The following ASAP2 variants were observed in gnomAD, a reference collection of about 807,000 sequenced individuals.
The protein encoded by ASAP2 is arf-GAP with SH3 domain, ANK repeat and PH domain-containing protein 2.
In ASAP2, 45 loss-of-function variants were observed where a neutral mutation model predicts 131.4. The observed-to-expected ratio is 0.34, with a 90% CI of 0.27 to 0.44. The LOEUF (loss-of-function observed/expected upper bound fraction) is 0.44, where lower values mean the gene tolerates loss of function less well. Ranked by LOEUF, ASAP2 falls within the 20% of genes least tolerant of loss-of-function variation. ASAP2 has a pLI of 1.00. For synonymous variants in ASAP2, 510 were observed against 503.0 expected, an observed-to-expected ratio of 1.01 and a Z score of -0.19; for missense variants, 1,011 against 1,297.0, an observed-to-expected ratio of 0.78 and a Z score of 3.39.
At chr2:9,269,392 A>G (rs1666179129) in intron 1 of ASAP2, among the ~76,000 whole-genome samples, 1 of 152,198 alleles carries the variant, frequency 6.6e-6, no homozygotes, top group Non-Finnish European at 1.5e-5. Flanking sequence ...GCTGTCCCGC[A>G]GGCCGTGTGT....
In ASAP2 at chr2:9,268,766, C is replaced by G. The variant is rs867825674; in HGVS notation, c.127-10551C>G. On this transcript the variant is annotated intron_variant, in intron 1 of 27. Coordinates refer to ENST00000281419, the MANE Select transcript of ASAP2 (RefSeq NM_003887.3). This position sits in a 1 kb window ranked among gnomAD's most constrained non-coding sequence, Gnocchi z 4.1. ...CTTCTTCTCAGGCTGGCCTTTCGTCCGTGGAACGAGGGGAGAGGAGATAGG... is the reference window on the plus strand; with the variant it reads ...CTTCTTCTCAGGCTGGCCTTTCGTCGGTGGAACGAGGGGAGAGGAGATAGG... Among the ~76,000 whole-genome samples the G allele has an allele frequency of 6.6e-6, 1 of 152,180 alleles. No homozygotes were observed. The highest frequency in any genetic ancestry group is 2.4e-5 in the African/African-American group (1 of 41,436).
Position 9,358,793 on chromosome 2 carries a change from C to G in ASAP2, c.1365C>G (p.Thr455=). The G allele has an allele frequency of 6.2e-7, 1 of 1,613,576 alleles. No individual in the cohort carries two copies. The highest frequency in any genetic ancestry group is 8.5e-7 in the Non-Finnish European group (1 of 1,179,878). Residue 455 remains threonine (T), a synonymous_variant, in exon 15 of 28, where the codon ACC becomes ACG. Transcript: ENST00000281419. ...TTTCCACCAACCTGGGCATCCTGAC[C>G]TGCATCGAGTGTTCCGGAATCCACC... ...TWLSTNLGIL[T]CIECSGIHRE...
intron 16 of ASAP2, among the ~76,000 whole-genome samples, chr2:9,370,597 A>C (rs1436499741): frequency 6.6e-6 from 1 of 152,196 alleles, no homozygotes; most frequent in Admixed American, 6.5e-5. Context: ...GTAATAAAAA[A>C]AGGGAGATAA....
At chr2:9,214,234 C>A (rs1309125370) in intron 1 of ASAP2, among the ~76,000 whole-genome samples, 1 of 151,982 alleles carries the variant, frequency 6.6e-6, no homozygotes, top group East Asian at 1.9e-4. Context: ...TTTTTCTTTT[C>A]TTTTTCTTTT....
At chr2:9,347,776 T>G (rs1672066331) in intron 11 of ASAP2, among the ~76,000 whole-genome samples, 3 of 152,210 alleles carry the variant, frequency 2.0e-5, no homozygotes, top group African/African-American at 7.2e-5. Context: ...GCCACACCAC[T>G]GAGGGCTGGG....
chr2:9,390,559 T>G (rs922370035), intron 22 of ASAP2, among the ~76,000 whole-genome samples: 1 of 152,154 alleles, frequency 6.6e-6, no homozygotes, highest in African/African-American at 2.4e-5. Flanking sequence ...AGAAATATGT[T>G]TGCGGGAGGG....
At chr2:9,397,710 GA>G (rs1317485731) in intron 24 of ASAP2, among the ~76,000 whole-genome samples, 16 of 124,622 alleles carry the variant, frequency 1.3e-4, no homozygotes, top group East Asian at 2.2e-4. Flanking sequence ...AATTGGTTGG[GA>G]AAAAAAAATC....
chr2:9,394,302 C>T (rs1017164677), intron 24 of ASAP2, among the ~76,000 whole-genome samples: 5 of 151,630 alleles, frequency 3.3e-5, no homozygotes, highest in Admixed American at 6.6e-5. Flanking sequence ...GTAGCTGGGA[C>T]TACAGGTGCC....
rs1675533852 is a variant in ASAP2 at position 9,389,265 on chromosome 2, T to C, written c.2383+719T>C. Among the ~76,000 whole-genome samples, 1 of 152,196 alleles carries C rather than the reference T, an allele frequency of 6.6e-6. No individual in the cohort carries two copies. The highest frequency in any genetic ancestry group is 1.5e-5 in the Non-Finnish European group (1 of 68,036). ...CACTCAGCTCTGGGCTGAGCTCCAG[T>C]CGTGGCCATGGCCTTCAGAGGGTTT... On this transcript the variant is annotated intron_variant, in intron 22 of 27. Coordinates refer to ENST00000281419, the MANE Select transcript of ASAP2 (RefSeq NM_003887.3). The surrounding 1 kb of genome is among the most constrained non-coding windows in gnomAD (Gnocchi z 4.7).
chr2:9,212,110 A>G (rs1263522233), intron 1 of ASAP2, among the ~76,000 whole-genome samples: 2 of 152,026 alleles, frequency 1.3e-5, no homozygotes, highest in African/African-American at 4.8e-5. Flanking sequence ...GCCACTCCTC[A>G]CGGGTTCCAG....
chr2:9,280,552 C>T (rs1200110221), intron 2 of ASAP2, among the ~76,000 whole-genome samples: 1 of 152,206 alleles, frequency 6.6e-6, no homozygotes. Flanking sequence ...AATCCTACAT[C>T]AACAAGTACA....
intron 2 of ASAP2, among the ~76,000 whole-genome samples, chr2:9,288,389 C>T (rs983283920): frequency 1.1e-4 from 16 of 152,196 alleles, no homozygotes; most frequent in Non-Finnish European, 2.1e-4. Context: ...CCAAGGGCTG[C>T]TTGTCCCTGA....
At chr2:9,249,684 C>T (rs558392706) in intron 1 of ASAP2, among the ~76,000 whole-genome samples, 4 of 151,610 alleles carry the variant, frequency 2.6e-5, no homozygotes, top group Admixed American at 6.5e-5. Context: ...TGAGACTGGG[C>T]GCTGGGCTGA....
intron 1 of ASAP2, among the ~76,000 whole-genome samples, chr2:9,261,689 G>A (rs1665582810): frequency 1.3e-5 from 2 of 152,244 alleles, no homozygotes; most frequent in African/African-American, 4.8e-5. Flanking sequence ...CTTTAACAGT[G>A]TGGCCGAGTG....
chr2:9,349,454 G>A (rs1207118036), intron 11 of ASAP2, among the ~76,000 whole-genome samples: 1 of 152,182 alleles, frequency 6.6e-6, no homozygotes, highest in Non-Finnish European at 1.5e-5. Flanking sequence ...ATTGGTTCCT[G>A]GATAAGTTAG....
intron 2 of ASAP2, among the ~76,000 whole-genome samples, chr2:9,290,492 G>T (rs12185533): frequency 0.058 from 8,759 of 152,310 alleles, 245 homozygotes; most frequent in Non-Finnish European, 0.068. Context: ...TTACAGGCGT[G>T]AGCCACTGCA....
chr2:9,240,261 T>A (rs1345633321), intron 1 of ASAP2, among the ~76,000 whole-genome samples: 1 of 147,940 alleles, frequency 6.8e-6, no homozygotes, highest in African/African-American at 2.5e-5. Flanking sequence ...TTTTTTTTTT[T>A]TTTTTTATTT....
At position 9,206,989 on chromosome 2, in the gene ASAP2, C is replaced by A. The variant is rs886782259; in HGVS notation, c.-116C>A. The A allele has an allele frequency of 4.0e-6, 4 of 990,158 alleles. No individual in the cohort carries two copies. Among genetic ancestry groups the A allele is most frequent in the South Asian group, 9.3e-5 (2 of 21,566 alleles). 61.3% of individuals were successfully genotyped at this position (990,158 alleles called of 1,614,324 possible). On this transcript the variant is annotated 5_prime_UTR_variant, in exon 1 of 28. Coordinates refer to ENST00000281419, the MANE Select transcript of ASAP2 (RefSeq NM_003887.3). This position sits in a 1 kb window ranked among gnomAD's most constrained non-coding sequence, Gnocchi z 4.0. Reference sequence around the variant, plus strand: ...TCCCGCGCCCGGCGCTCCCCTTTGTCCGCGGGCCGGAGCGGCGGCGGCAGC... The same window carrying A: ...TCCCGCGCCCGGCGCTCCCCTTTGTACGCGGGCCGGAGCGGCGGCGGCAGC...
At chr2:9,214,558 A>T (rs1381739470) in intron 1 of ASAP2, among the ~76,000 whole-genome samples, 1 of 151,810 alleles carries the variant, frequency 6.6e-6, no homozygotes, top group African/African-American at 2.4e-5. Flanking sequence ...AGGTGCTTTT[A>T]TACCATTATC....
Sources: allele counts gnomAD v4.1 joint callset (sites outside exome capture counted in the v4.1 genomes callset), GRCh38; gene constraint gnomAD v4.1.1; non-coding constraint Gnocchi (gnomAD v3.1); transcripts MANE v1.5; gene names NCBI Gene and HGNC (gene_info 2026-07-23, HGNC 2026-07-21).